The following CDK15 variants were observed in gnomAD, a reference collection of about 807,000 sequenced individuals.
The protein encoded by CDK15 is cyclin-dependent kinase 15.
In CDK15, 62 loss-of-function variants were observed where a neutral mutation model predicts 60.3. That is an observed-to-expected ratio of 1.03 (90% CI 0.84 to 1.27). The LOEUF (loss-of-function observed/expected upper bound fraction) is 1.27, where lower values mean the gene tolerates loss of function less well. CDK15 is among the 50% of genes most tolerant of loss of function. The pLI is 0.00. For synonymous variants in CDK15, 194 were observed against 195.7 expected (o/e 0.99, Z 0.07); for missense variants, 541 against 527.8 (o/e 1.03, Z -0.25).
chr2:201,811,244 A>G (rs952222657), intron 3 of CDK15, among the ~76,000 whole-genome samples: 4 of 150,004 alleles, frequency 2.7e-5, no homozygotes, highest in Non-Finnish European at 5.9e-5. Context: ...TCCGCCTCCC[A>G]GGTTCACGCC....
chr2:201,888,364 G>A lies in CDK15; in HGVS notation c.1199-2421G>A, dbSNP rs1699533987. 37 of 1,485,492 alleles carry A rather than the reference G, an allele frequency of 2.5e-5. No homozygotes were observed. In the South Asian group the frequency reaches 4.4e-4, roughly 18 times the overall value. The allele number at this position is 1,485,492 out of a possible 1,614,324, so 92.0% of individuals were successfully genotyped here. On this transcript the variant is annotated intron_variant, in intron 12 of 13. Coordinates refer to ENST00000652192, the MANE Select transcript of CDK15 (RefSeq NM_001366386.2). ...GATCTAAATACATAAGAATCTAAAA[G>A]TTTTAAATAAACTTGTCCTGCCGAC...
chr2:201,886,772 C>A (rs895524771), intron 12 of CDK15, among the ~76,000 whole-genome samples: 4 of 152,116 alleles, frequency 2.6e-5, no homozygotes, highest in Non-Finnish European at 5.9e-5. Context: ...AGCACAGCAA[C>A]ACATGGAATA....
chr2:201,847,022 C>T (rs577346225), intron 8 of CDK15, among the ~76,000 whole-genome samples: 15 of 152,204 alleles, frequency 9.9e-5, no homozygotes, highest in Middle Eastern at 3.4e-3. Flanking sequence ...AAACCAATGA[C>T]GCTTCTTACA....
chr2:201,886,211 T>C (rs1699443690), intron 12 of CDK15, among the ~76,000 whole-genome samples: 1 of 152,188 alleles, frequency 6.6e-6, no homozygotes, highest in African/African-American at 2.4e-5. Flanking sequence ...CAATTTATGT[T>C]GAATAGAGAT....
chr2:201,890,954 T>C lies in CDK15; in HGVS notation c.*33+27T>C, dbSNP rs949532764. ...TAAGTGGTTGCAACAGTGAGGTTCC[T>C]TATGGAACAAATTGAAAAGCAATTG... On this transcript the variant is annotated intron_variant, in intron 13 of 13. Transcript: ENST00000652192. The C allele has an allele frequency of 1.5e-4, 186 of 1,257,106 alleles. 4 individuals are homozygous for C. In the Admixed American group the frequency reaches 3.4e-3, roughly 23 times the overall value. The allele number at this position is 1,257,106 out of a possible 1,614,324, so 77.9% of individuals were successfully genotyped here. A position where few individuals can be genotyped will look rare whatever the true frequency, so the allele number is the denominator to read the frequency against.
chr2:201,849,792 G>A (rs1252902968), intron 9 of CDK15, among the ~76,000 whole-genome samples: 1 of 152,066 alleles, frequency 6.6e-6, no homozygotes, highest in Non-Finnish European at 1.5e-5. Flanking sequence ...TGTGCCATTA[G>A]TATTTGAAGA....
chr2:201,829,160 G>T (rs1696641696), intron 6 of CDK15, among the ~76,000 whole-genome samples: 3 of 152,186 alleles, frequency 2.0e-5, no homozygotes, highest in African/African-American at 7.2e-5. Context: ...TGACAGTGTG[G>T]TGAATAGATT....
intron 8 of CDK15, among the ~76,000 whole-genome samples, chr2:201,835,993 TA>T (rs1697010460): frequency 4.5e-4 from 3 of 6,662 alleles, no homozygotes; most frequent in East Asian, 0.12. Flanking sequence ...TTTATATATT[TA>T]TATATATTTA....
At chr2:201,868,650 A>G (rs1698729511) in intron 10 of CDK15, among the ~76,000 whole-genome samples, 2 of 151,836 alleles carry the variant, frequency 1.3e-5, no homozygotes, top group Admixed American at 6.6e-5. Flanking sequence ...ACAAAGGGCT[A>G]ATATCCAGAA....
At chr2:201,839,318 C>T (rs1697270200) in intron 8 of CDK15, among the ~76,000 whole-genome samples, 1 of 152,076 alleles carries the variant, frequency 6.6e-6, no homozygotes, top group South Asian at 2.1e-4. Context: ...GAGTAACTGA[C>T]CTGTACTTAT....
At chr2:201,880,235 T>G in intron 12 of CDK15, 68 bp downstream of exon 12, 1 of 1,565,326 alleles carries the variant, frequency 6.4e-7, no homozygotes, top group East Asian at 2.3e-5. Flanking sequence ...TAAGTCTTGG[T>G]GTCTTAAGTA....
In CDK15 at chr2:201,816,592, G is replaced by A. The variant is rs112138998; in HGVS notation, c.448+4030G>A. Among the ~76,000 whole-genome samples the A allele has an allele frequency of 5.7e-3, 861 of 150,872 alleles. 8 individuals are homozygous for A. The highest frequency in any genetic ancestry group is 0.02 in the African/African-American group (811 of 41,104). On this transcript the variant is annotated intron_variant, in intron 4 of 13. Transcript: ENST00000652192. ...TTGCTATTGTGAATAGTGCTGTGAC[G>A]AACATAAAAGTCTAGGTGTCTTTTT...
intron 10 of CDK15, 103 bp downstream of exon 10, chr2:201,855,040 G>A: frequency 1.0e-6 from 1 of 969,058 alleles, no homozygotes; most frequent in Non-Finnish European, 1.6e-6. Context: ...CAGCGGCAAA[G>A]ATGGGTGTAG....
intron 12 of CDK15, chr2:201,888,996 C>G (rs771179542): frequency 7.1e-6 from 7 of 985,554 alleles, no homozygotes; most frequent in Admixed American, 6.1e-5. Flanking sequence ...GTGAAAATGT[C>G]TTATGCATAT....
intron 8 of CDK15, among the ~76,000 whole-genome samples, chr2:201,841,321 C>G (rs1031863264): frequency 6.6e-6 from 1 of 152,172 alleles, no homozygotes; most frequent in African/African-American, 2.4e-5. Context: ...AGTTATAAGT[C>G]AAAATTATTG....
At chr2:201,873,535 TGCA>T (rs990475287) in intron 11 of CDK15, among the ~76,000 whole-genome samples, 8 of 152,290 alleles carry the variant, frequency 5.3e-5, no homozygotes, top group African/African-American at 1.9e-4. Flanking sequence ...CTGCTGCTGC[TGCA>T]GCTGCCCCTG....
intron 9 of CDK15, 23 bp from the exon 10 acceptor site, chr2:201,854,851 T>G (rs750958888): frequency 6.2e-7 from 1 of 1,612,526 alleles, no homozygotes; most frequent in Non-Finnish European, 8.5e-7. Flanking sequence ...CACCTTTCTT[T>G]TTCTTTGTTT....
At chr2:201,877,503 C>G (rs1699122250) in intron 11 of CDK15, among the ~76,000 whole-genome samples, 1 of 152,188 alleles carries the variant, frequency 6.6e-6, no homozygotes, top group Non-Finnish European at 1.5e-5. Flanking sequence ...TTGGCACAAA[C>G]TTCACCTCAC....
chr2:201,888,600 T>C, intron 12 of CDK15: 1 of 1,439,466 alleles, frequency 6.9e-7, no homozygotes. Flanking sequence ...CTTTCTTTCT[T>C]TCTTCCTCCT....
Sources: gnomAD v4.1 joint callset for allele counts (sites outside exome capture counted in the v4.1 genomes callset) on GRCh38, gnomAD v4.1.1 for gene constraint, MANE v1.5 for transcripts, NCBI Gene and HGNC (gene_info 2026-07-23, HGNC 2026-07-21) for gene names.